ADGRL3: variants seen among roughly 807,000 people sequenced by gnomAD.
ADGRL3 encodes adhesion G protein-coupled receptor L3, also known as calcium-independent alpha-latrotoxin receptor 3.
In ADGRL3, 62 loss-of-function variants were observed where a neutral mutation model predicts 153.5. The ratio of observed to expected loss-of-function variants is 0.40; its 90% confidence interval spans 0.33 to 0.50. ADGRL3 has a LOEUF of 0.50. Among genes scored for constraint, ADGRL3 ranks in the 20% least tolerant of loss-of-function variants. ADGRL3 has a pLI of 0.47. For synonymous variants in ADGRL3, 710 were observed against 672.5 expected (o/e 1.06, Z -0.86); for missense variants, 1,641 against 1,859.4 (o/e 0.88, Z 2.16).
intron 3 of ADGRL3, among the ~76,000 whole-genome samples, chr4:61,505,825 A>C (rs200376775): frequency 7.0e-5 from 1 of 14,314 alleles, no homozygotes; most frequent in Non-Finnish European, 1.2e-4. Flanking sequence ...ATCTTTTAAT[A>C]AAAAAAAAAC....
At chr4:61,693,345 C>A (rs1332090908) in intron 6 of ADGRL3, among the ~76,000 whole-genome samples, 1 of 151,606 alleles carries the variant, frequency 6.6e-6, no homozygotes, top group African/African-American at 2.4e-5. Context: ...TAGCTCCAAC[C>A]AAAGTTTTTT....
chr4:61,949,430 G>T (rs1209987346), intron 17 of ADGRL3, among the ~76,000 whole-genome samples: 2 of 152,158 alleles, frequency 1.3e-5, no homozygotes, highest in Non-Finnish European at 2.9e-5. Flanking sequence ...GGGCATGGTG[G>T]CTCATGCCTG....
intron 4 of ADGRL3, among the ~76,000 whole-genome samples, chr4:61,571,675 T>C (rs542019915): frequency 2.0e-5 from 3 of 152,268 alleles, no homozygotes; most frequent in African/African-American, 7.2e-5. Context: ...TTTCTATATT[T>C]CTCATATATT....
chr4:61,564,685 C>G (rs571560674), intron 4 of ADGRL3, among the ~76,000 whole-genome samples: 8 of 152,330 alleles, frequency 5.3e-5, no homozygotes, highest in Non-Finnish European at 1.0e-4. Flanking sequence ...TGGCCTTTCT[C>G]AGCTTTTGAT....
At chr4:61,617,339 C>T (rs1294102642) in intron 5 of ADGRL3, among the ~76,000 whole-genome samples, 2 of 152,006 alleles carry the variant, frequency 1.3e-5, no homozygotes, top group Non-Finnish European at 1.5e-5. Context: ...TGATTTCATT[C>T]GTATTTTCCT....
intron 4 of ADGRL3, among the ~76,000 whole-genome samples, chr4:61,576,121 T>C (rs1449637577): frequency 2.0e-5 from 3 of 151,892 alleles, no homozygotes; most frequent in African/African-American, 7.2e-5. Context: ...AGCTGGTTTT[T>C]GTCCTTTCAG....
rs2098119950 is a variant in ADGRL3, at chr4:61,846,692, G to C, written c.1480+32803G>C. On this transcript the variant is annotated intron_variant, in intron 9 of 26. Transcript: ENST00000683033. ...ATTTATAAAGAAAAGAGGTTTAATT[G>C]GCTCACAATTCTGCAGGTCGTACAG... is the stretch of plus-strand genomic sequence containing the variant. Among the ~76,000 whole-genome samples the C allele has an allele frequency of 2.0e-5, 3 of 151,986 alleles. No homozygotes were observed. In the East Asian group the frequency reaches 5.8e-4, roughly 29 times the overall value.
At chr4:61,215,804 G>C (rs563684247) in intron 1 of ADGRL3, among the ~76,000 whole-genome samples, 1 of 151,752 alleles carries the variant, frequency 6.6e-6, no homozygotes, top group Non-Finnish European at 1.5e-5. Context: ...CATCCGCCTC[G>C]GCCTCCCAAA....
At position 61,263,273 on chromosome 4, in the gene ADGRL3, A is replaced by T; in HGVS notation, c.-240+61508A>T. On this transcript the variant is annotated intron_variant, in intron 1 of 26. Transcript: ENST00000683033. Reference sequence around the variant, plus strand: ...ATAATATGTAAAATATTTTAATAGAAATTGAGTTTTGTGGTTAAAAAAAAC... The same window carrying T: ...ATAATATGTAAAATATTTTAATAGATATTGAGTTTTGTGGTTAAAAAAAAC... Among the ~76,000 whole-genome samples, 4 of 152,010 alleles carry T rather than the reference A, an allele frequency of 2.6e-5. 1 individual carries two copies. The Middle Eastern group carries it at 0.014, about 517-fold the overall frequency.
intron 4 of ADGRL3, among the ~76,000 whole-genome samples, chr4:61,560,636 T>C (rs2148964479): frequency 7.3e-6 from 1 of 137,258 alleles, no homozygotes; most frequent in South Asian, 2.4e-4. Context: ...CCATTGAATT[T>C]GTGGGGTTTT....
intron 1 of ADGRL3, among the ~76,000 whole-genome samples, chr4:61,325,681 A>C (rs572351487): frequency 6.6e-6 from 1 of 152,164 alleles, no homozygotes; most frequent in African/African-American, 2.4e-5. Context: ...CTAACATGAT[A>C]AGTCTTTGTT....
chr4:61,911,147 ATTG>A (rs921460417), intron 12 of ADGRL3, among the ~76,000 whole-genome samples: 1 of 152,106 alleles, frequency 6.6e-6, no homozygotes, highest in African/African-American at 2.4e-5. Context: ...GCTGCCAGCT[ATTG>A]TTATCATAAT....
chr4:61,694,176 A>ATTTTTTTTTTTTTTTTTT (rs2095592928), intron 6 of ADGRL3, among the ~76,000 whole-genome samples: 2 of 94,702 alleles, frequency 2.1e-5, no homozygotes, highest in African/African-American at 7.4e-5. Flanking sequence ...AAATTTTGTC[A>ATTTTTTTTTTTTTTTTTT]TTATTTTTTT....
At chr4:61,445,931 C>G (rs2152493452) in intron 2 of ADGRL3, among the ~76,000 whole-genome samples, 1 of 152,302 alleles carries the variant, frequency 6.6e-6, no homozygotes, top group African/African-American at 2.4e-5. Context: ...TTTAGATACA[C>G]AAATACTTAG....
intron 6 of ADGRL3, among the ~76,000 whole-genome samples, chr4:61,702,713 C>T (rs1488963307): frequency 6.6e-6 from 1 of 152,134 alleles, no homozygotes; most frequent in Non-Finnish European, 1.5e-5. Context: ...CTGGGAATCC[C>T]TTTGGGTACA....
rs559085900 is a variant in ADGRL3 at position 61,689,999 on chromosome 4, C to T, written c.583+13064C>T. Among the ~76,000 whole-genome samples the T allele has an allele frequency of 4.3e-4, 65 of 152,240 alleles. 1 individual carries two copies. The highest frequency in any genetic ancestry group is 2.0e-4 in the Admixed American group (3 of 15,270). ...TCACTACACACTTTTATGTTCACTA[C>T]ACATTAAATCGCTACACACTAACCA... On this transcript the variant is annotated intron_variant, in intron 6 of 26. Transcript: ENST00000683033.
chr4:61,909,584 A>G lies in ADGRL3; in HGVS notation c.1912A>G (p.Asn638Asp). The G allele has an allele frequency of 6.2e-7, 1 of 1,613,164 alleles. No homozygotes were observed. Among genetic ancestry groups the G allele is most frequent in the Non-Finnish European group, 8.5e-7 (1 of 1,179,506 alleles). ...GTTGAAATCTGGTGAAACAGCTGCC[A>G]ACATTGCTAGAGAGCTGGCTGAACA... Reference protein sequence around the residue: ...QKLKSGETAANIARELAEQTR... With the variant: ...QKLKSGETAADIARELAEQTR... Residue 638 changes from asparagine to aspartate, a missense_variant, in exon 12 of 27, where the codon AAC becomes GAC. This residue lies in a region of ADGRL3 where 734 missense variants were observed against 797.0 expected (regional missense o/e 0.92). Transcript: ENST00000683033.
At chr4:61,323,884 G>A (rs1278544447) in intron 1 of ADGRL3, among the ~76,000 whole-genome samples, 1 of 152,090 alleles carries the variant, frequency 6.6e-6, no homozygotes, top group Non-Finnish European at 1.5e-5. Flanking sequence ...CCAATTTACT[G>A]TATAGTCTGT....
chr4:61,694,227 G>T, intron 6 of ADGRL3, among the ~76,000 whole-genome samples: 2 of 55,748 alleles, frequency 3.6e-5, no homozygotes, highest in Admixed American at 2.2e-4. Context: ...TTTAGAGGCA[G>T]GATCTTGCTT....
Sources: gnomAD v4.1 joint callset for allele counts (sites outside exome capture counted in the v4.1 genomes callset) on GRCh38, gnomAD v4.1.1 for gene constraint, gnomAD v4.1.1 regional missense constraint, MANE v1.5 for transcripts, NCBI Gene and HGNC (gene_info 2026-07-23, HGNC 2026-07-21) for gene names.